The following RIMBP2 variants were observed in gnomAD, a reference collection of about 807,000 sequenced individuals.
RIMBP2 encodes the protein RIMS binding protein 2.
In RIMBP2, 48 loss-of-function variants were observed where a neutral mutation model predicts 118.6. That is an observed-to-expected ratio of 0.40 (90% CI 0.32 to 0.51). The LOEUF (loss-of-function observed/expected upper bound fraction) is 0.51, where lower values mean the gene tolerates loss of function less well. Ranked by LOEUF, RIMBP2 falls within the 20% of genes least tolerant of loss-of-function variation. The pLI, the probability that RIMBP2 is intolerant of heterozygous loss-of-function variation, is 0.41. For synonymous variants in RIMBP2, 762 were observed against 742.9 expected (o/e 1.03, Z -0.42); for missense variants, 1,551 against 1,768.3 (o/e 0.88, Z 2.20).
At position 130,621,364 on chromosome 12, in the gene RIMBP2, C is replaced by A. The variant is rs1200288053; in HGVS notation, c.-217+6958G>T. Among the ~76,000 whole-genome samples the A allele has an allele frequency of 1.3e-5, 2 of 152,130 alleles. No individual in the cohort carries two copies. The highest frequency in any genetic ancestry group is 2.9e-5 in the Non-Finnish European group (2 of 68,032). ...GCGCCAGGCCTGTGAACTCCAAGTG[C>A]ACCATTAAGGGACTCTGATTAAAGA... On this transcript the variant is annotated intron_variant, in intron 2 of 22. Coordinates refer to ENST00000690449, the MANE Select transcript of RIMBP2 (RefSeq NM_001393629.1). This position sits in a 1 kb window ranked among gnomAD's most constrained non-coding sequence, Gnocchi z 6.6.
chr12:130,442,719 CCAG>C lies in RIMBP2; in HGVS notation c.692-62_692-60del. The C allele has an allele frequency of 2.9e-6, 4 of 1,401,360 alleles. No individual in the cohort carries two copies. The highest frequency in any genetic ancestry group is 3.9e-6 in the Non-Finnish European group (4 of 1,016,770). 86.8% of individuals were successfully genotyped at this position (1,401,360 alleles called of 1,614,324 possible). A position where few individuals can be genotyped will look rare whatever the true frequency, so the allele number is the denominator to read the frequency against. On this transcript the variant is annotated intron_variant, in intron 10 of 22. Transcript: ENST00000690449. The surrounding 1 kb of genome is among the most constrained non-coding windows in gnomAD (Gnocchi z 6.9). ...CAACACAGCAGGGGCCTCGAGGCCC[CCAG>C]TGTACTCCCACCTCCCCCACCAGGA...
At chr12:130,405,211 A>G (rs1414246029) in intron 21 of RIMBP2, among the ~76,000 whole-genome samples, 2 of 152,058 alleles carry the variant, frequency 1.3e-5, no homozygotes, top group Admixed American at 6.5e-5. Context: ...ACACACACAC[A>G]CAAAGTTAAA....
intron 4 of RIMBP2, among the ~76,000 whole-genome samples, chr12:130,502,451 G>A (rs943438687): frequency 2.0e-5 from 3 of 151,714 alleles, no homozygotes; most frequent in Admixed American, 6.6e-5. Flanking sequence ...TTCACTGTCC[G>A]GCCCACTTTC....
At chr12:130,616,882 G>A in intron 2 of RIMBP2, among the ~76,000 whole-genome samples, 1 of 152,202 alleles carries the variant, frequency 6.6e-6, no homozygotes, top group Non-Finnish European at 1.5e-5. Context: ...GGCCTGGAGA[G>A]CTCTGCCAGA....
chr12:130,664,443 A>ACGCACGCACG (rs1443250789), intron 1 of RIMBP2, among the ~76,000 whole-genome samples: 10 of 64,616 alleles, frequency 1.5e-4, no homozygotes, highest in South Asian at 4.9e-4. Context: ...ATGCACGCAC[A>ACGCACGCACG]CACGCACACA....
chr12:130,465,935 T>G (rs1410430163), intron 6 of RIMBP2: 2 of 152,320 alleles, frequency 1.3e-5, no homozygotes, highest in African/African-American at 2.4e-5. Flanking sequence ...GAAGCTGTGC[T>G]GTGCAGCAGC....
At chr12:130,685,955 C>A (rs978677284) in intron 1 of RIMBP2, among the ~76,000 whole-genome samples, 1 of 152,184 alleles carries the variant, frequency 6.6e-6, no homozygotes, top group Non-Finnish European at 1.5e-5. Flanking sequence ...AAGCATGAGC[C>A]CCAGAAGGCC....
intron 2 of RIMBP2, among the ~76,000 whole-genome samples, chr12:130,582,814 C>T (rs570629633): frequency 1.3e-5 from 2 of 152,154 alleles, no homozygotes; most frequent in Non-Finnish European, 1.5e-5. Flanking sequence ...CCAAGTCTCC[C>T]GAGAGCAGGG....
At chr12:130,701,237 G>A (rs1330648176) in intron 1 of RIMBP2, among the ~76,000 whole-genome samples, 1 of 152,176 alleles carries the variant, frequency 6.6e-6, no homozygotes, top group African/African-American at 2.4e-5. Flanking sequence ...GAGCTGAGCC[G>A]GGGCCCTCAC....
chr12:130,428,367 G>A lies in RIMBP2; in HGVS notation c.2254-30C>T, dbSNP rs79600223. ...GGGCCAAGAAAAGGGGCTACTGAGC[G>A]GGTGGCTCCTCCCGCATCCTACAAG... On this transcript the variant is annotated intron_variant, in intron 14 of 22. Transcript: ENST00000690449. The A allele has an allele frequency of 4.3e-4, 687 of 1,586,246 alleles. 8 individuals are homozygous for A. In the East Asian group the frequency reaches 0.011, roughly 26 times the overall value.
At chr12:130,462,111 G>GT (rs1485563390) in intron 6 of RIMBP2, among the ~76,000 whole-genome samples, 8 of 152,252 alleles carry the variant, frequency 5.3e-5, no homozygotes, top group Non-Finnish European at 1.2e-4. Context: ...GCATCAGCAG[G>GT]TTGGGTGTGT....
chr12:130,596,300 T>C (rs1448902304), intron 2 of RIMBP2, among the ~76,000 whole-genome samples: 1 of 152,166 alleles, frequency 6.6e-6, no homozygotes, highest in African/African-American at 2.4e-5. Flanking sequence ...GACTGGGTGC[T>C]AGTCATTACA....
At chr12:130,451,107 G>T in intron 8 of RIMBP2, 88 bp downstream of exon 8, 1 of 1,414,646 alleles carries the variant, frequency 7.1e-7, no homozygotes, top group Non-Finnish European at 9.7e-7. Flanking sequence ...GGAAGATGGG[G>T]AAGAAAAAAC....
intron 2 of RIMBP2, among the ~76,000 whole-genome samples, chr12:130,596,547 G>T (rs57327508): frequency 0.011 from 1,692 of 152,302 alleles, 40 homozygotes; most frequent in African/African-American, 0.038. Context: ...GAAAACCGTA[G>T]AGTGAATTCA....
chr12:130,516,461 G>C (rs1377234757), intron 3 of RIMBP2, among the ~76,000 whole-genome samples: 2 of 152,208 alleles, frequency 1.3e-5, no homozygotes, highest in Non-Finnish European at 2.9e-5. Context: ...ACACATAAGT[G>C]AAGACCCGTG....
chr12:130,637,406 G>A (rs1288181615), intron 1 of RIMBP2, among the ~76,000 whole-genome samples: 1 of 152,232 alleles, frequency 6.6e-6, no homozygotes, highest in Non-Finnish European at 1.5e-5. Context: ...TGAATGAATG[G>A]ATGCGTGCCT....
intron 9 of RIMBP2, among the ~76,000 whole-genome samples, chr12:130,445,672 C>A (rs1453053494): frequency 1.3e-5 from 2 of 152,162 alleles, no homozygotes; most frequent in Non-Finnish European, 2.9e-5. Context: ...TACTATTTAG[C>A]AACCTGCTTA....
At chr12:130,602,792 G>C (rs988606980) in intron 2 of RIMBP2, among the ~76,000 whole-genome samples, 1 of 152,192 alleles carries the variant, frequency 6.6e-6, no homozygotes, top group Non-Finnish European at 1.5e-5. Flanking sequence ...TTTTTAATAG[G>C]ATTTGGTGTT....
chr12:130,666,489 C>T (rs2063919350), intron 1 of RIMBP2, among the ~76,000 whole-genome samples: 1 of 152,140 alleles, frequency 6.6e-6, no homozygotes, highest in African/African-American at 2.4e-5. Flanking sequence ...AGTTTCAGTC[C>T]AAGATACCAA....
Sources: gnomAD v4.1 joint callset for allele counts (sites outside exome capture counted in the v4.1 genomes callset) on GRCh38, gnomAD v4.1.1 for gene constraint, Gnocchi (gnomAD v3.1) non-coding constraint, MANE v1.5 for transcripts, NCBI Gene and HGNC (gene_info 2026-07-23, HGNC 2026-07-21) for gene names.